Variants in LGSN observed in about 807,000 individuals in gnomAD.
LGSN encodes lengsin, lens protein with glutamine synthetase domain.
A neutral mutation model predicts 19.5 loss-of-function variants in LGSN; 21 were observed. The ratio of observed to expected loss-of-function variants is 1.07; its 90% CI spans 0.76 to 1.55. The LOEUF is 1.55. Among genes scored for constraint, LGSN ranks in the 40% most tolerant of loss-of-function variants. The pLI, the probability that LGSN is intolerant of heterozygous loss-of-function variation, is 0.00. For missense variants in LGSN, 673 were observed against 608.5 expected (o/e 1.11, Z -1.12); for synonymous variants, 257 against 215.6 (o/e 1.19, Z -1.68).
chr6:63,396,367 G>T, the LGSN span: 1 of 240,662 alleles, frequency 4.2e-6, no homozygotes, highest in South Asian at 5.7e-5. Flanking sequence ...CCAACACTCA[G>T]ACTGTCCAGA....
At chr6:63,505,613 G>GAAAT in the LGSN span, among the ~76,000 whole-genome samples, 271 of 102,062 alleles carry the variant, frequency 2.7e-3, 21 homozygotes, top group Middle Eastern at 8.6e-3. Context: ...AAGAAAGAAA[G>GAAAT]AAAGAAAGAA....
chr6:63,409,917 T>G, the LGSN span, among the ~76,000 whole-genome samples: 1 of 152,058 alleles, frequency 6.6e-6, no homozygotes, highest in Admixed American at 6.6e-5. Flanking sequence ...GTGCCTGTAA[T>G]CCCAGCTATT....
At chr6:63,397,789 GCCTGTAATTACA>G in the LGSN span, among the ~76,000 whole-genome samples, 28 of 151,856 alleles carry the variant, frequency 1.8e-4, no homozygotes, top group South Asian at 2.3e-3. Context: ...GTGGTGGCAC[GCCTGTAATTACA>G]CCTGTAATTA....
upstream of LGSN, among the ~76,000 whole-genome samples, chr6:63,320,591 G>A (rs769073218): frequency 3.3e-5 from 5 of 152,098 alleles, no homozygotes; most frequent in Non-Finnish European, 7.4e-5. Context: ...TCATCTACAG[G>A]CTGCCCCATA....
In LGSN at chr6:63,315,643, TGTG is replaced by T. The variant is rs1335761262; in HGVS notation, c.30+4268_30+4270del. Among the ~76,000 whole-genome samples, 22 of 151,398 alleles carry T rather than the reference TGTG, an allele frequency of 1.5e-4. No individual in the cohort carries two copies. In the East Asian group the frequency reaches 3.7e-3, roughly 25 times the overall value. ...CTGTGTGTGTGTGTGTGTGTGTGTG[TGTG>T]TGTGTGTGTATGCATGCTCTCACTC... On this transcript the variant is annotated intron_variant, in intron 1 of 3. Coordinates refer to ENST00000370657, the MANE Select transcript of LGSN (RefSeq NM_016571.3).
chr6:63,325,302 C>A, the LGSN span, among the ~76,000 whole-genome samples: 2 of 151,958 alleles, frequency 1.3e-5, no homozygotes, highest in East Asian at 3.9e-4. Context: ...AAGGTTCAAC[C>A]AAACACATTG....
the LGSN span, among the ~76,000 whole-genome samples, chr6:63,454,793 C>CTTTTTTTTTTTTTTTTTTTTT: frequency 2.2e-5 from 2 of 91,738 alleles, no homozygotes; most frequent in Non-Finnish European, 4.0e-5. Flanking sequence ...TTTTCTTTTT[C>CTTTTTTTTTTTTTTTTTTTTT]TTTTTTTTTT....
At chr6:63,480,022 AC>A in the LGSN span, 1 of 152,362 alleles carries the variant, frequency 6.6e-6, no homozygotes, top group South Asian at 2.1e-4. Flanking sequence ...CATTACTCCC[AC>A]TCACTCTTTA....
intron 1 of LGSN, among the ~76,000 whole-genome samples, chr6:63,308,815 T>C (rs767060320): frequency 1.3e-5 from 2 of 152,110 alleles, no homozygotes; most frequent in Non-Finnish European, 2.9e-5. Context: ...TAAAAGAATA[T>C]GTCAAAGAGG....
At chr6:63,483,089 T>G in the LGSN span, among the ~76,000 whole-genome samples, 3 of 152,228 alleles carry the variant, frequency 2.0e-5, no homozygotes, top group Non-Finnish European at 1.5e-5. Flanking sequence ...AAGCCAGATA[T>G]GCATCTCTAT....
the LGSN span, among the ~76,000 whole-genome samples, chr6:63,499,978 A>C: frequency 2.4e-4 from 36 of 152,302 alleles, 1 homozygote; most frequent in South Asian, 8.3e-4. Flanking sequence ...AAGTTTCCAT[A>C]ATTCCATACA....
At chr6:63,463,165 CCATCTTTCAGAGGGA>C in the LGSN span, among the ~76,000 whole-genome samples, 15 of 152,216 alleles carry the variant, frequency 9.9e-5, no homozygotes, top group African/African-American at 3.6e-4. Context: ...CTCTGTTTTC[CCATCTTTCAGAGGGA>C]CATAAAAATT....
the LGSN span, among the ~76,000 whole-genome samples, chr6:63,509,871 T>C: frequency 6.6e-6 from 1 of 152,234 alleles, no homozygotes; most frequent in African/African-American, 2.4e-5. Context: ...TTTAGCACAG[T>C]GTTTTGCCCT....
chr6:63,333,572 G>C, the LGSN span, among the ~76,000 whole-genome samples: 1 of 125,992 alleles, frequency 7.9e-6, no homozygotes, highest in Non-Finnish European at 1.6e-5. Flanking sequence ...GAAGGAGAGA[G>C]AGAGAGGAAG....
the LGSN span, among the ~76,000 whole-genome samples, chr6:63,453,036 C>G: frequency 1.3e-5 from 2 of 151,952 alleles, no homozygotes; most frequent in Admixed American, 1.3e-4. Context: ...ACTATGGTAT[C>G]TTCTTTGACT....
At chr6:63,336,555 G>GTATATATATATA in the LGSN span, among the ~76,000 whole-genome samples, 3 of 142,050 alleles carry the variant, frequency 2.1e-5, no homozygotes, top group African/African-American at 7.9e-5. Context: ...GTGTGTGTGT[G>GTATATATATATA]TGTGTGTATA....
chr6:63,286,029 TACTTACTG>T (rs1767524127), intron 2 of LGSN, among the ~76,000 whole-genome samples: 1 of 152,174 alleles, frequency 6.6e-6, no homozygotes, highest in Non-Finnish European at 1.5e-5. Context: ...CATACGTAGA[TACTTACTG>T]AAAATCCCTT....
upstream of LGSN, among the ~76,000 whole-genome samples, chr6:63,323,955 T>C (rs1204942032): frequency 1.3e-5 from 2 of 152,048 alleles, no homozygotes; most frequent in African/African-American, 4.8e-5. Context: ...GTATTTTTAG[T>C]AGAGACAGGG....
chr6:63,427,707 G>C, the LGSN span, among the ~76,000 whole-genome samples: 1 of 152,130 alleles, frequency 6.6e-6, no homozygotes, highest in Non-Finnish European at 1.5e-5. Context: ...TTTTCTCCTT[G>C]TGGGTAGTTT....
Sources: gnomAD v4.1 joint callset for allele counts (sites outside exome capture counted in the v4.1 genomes callset) on GRCh38, gnomAD v4.1.1 for gene constraint, MANE v1.5 for transcripts, NCBI Gene and HGNC (gene_info 2026-07-23, HGNC 2026-07-21) for gene names.